The following RNF135 variants were observed in gnomAD, a reference collection of about 807,000 sequenced individuals.
RNF135 encodes ring finger protein 135, also known as E3 ubiquitin-protein ligase RNF135.
Under a neutral mutation model 41.9 loss-of-function variants are expected in RNF135, and 46 were observed. The ratio of observed to expected loss-of-function variants is 1.10; its 90% CI spans 0.87 to 1.40. The LOEUF (loss-of-function observed/expected upper bound fraction) is 1.40, where lower values mean the gene tolerates loss of function less well. Among genes scored for constraint, RNF135 ranks in the 40% most tolerant of loss-of-function variants. RNF135 has a pLI of 0.00. For synonymous variants in RNF135, 238 were observed against 223.8 expected (o/e 1.06, Z -0.57); for missense variants, 539 against 549.8 (o/e 0.98, Z 0.20).
the RNF135 span, among the ~76,000 whole-genome samples, chr17:30,964,772 C>G: frequency 1.3e-5 from 2 of 151,644 alleles, no homozygotes; most frequent in African/African-American, 4.8e-5. Flanking sequence ...GCAACCTCCA[C>G]CTCCTAGGTT....
At chr17:30,997,191 G>T (rs1908406978) in intron 3 of RNF135, 51 bp from the exon 4 acceptor site, 1 of 1,421,800 alleles carries the variant, frequency 7.0e-7, no homozygotes, top group Non-Finnish European at 9.9e-7. Flanking sequence ...GAGACCTTCA[G>T]TTTGCCTTTT....
At chr17:30,971,033 C>G, upstream of RNF135, 1 of 1,532,900 alleles carries the variant, frequency 6.5e-7, no homozygotes, top group Non-Finnish European at 8.7e-7. Flanking sequence ...GAGACTCGCC[C>G]GGCTCAACCC....
At chr17:30,994,244 T>C (rs564469485) in intron 3 of RNF135, among the ~76,000 whole-genome samples, 90 of 152,308 alleles carry the variant, frequency 5.9e-4, no homozygotes, top group African/African-American at 2.1e-3. Flanking sequence ...TCTTAACTAT[T>C]TTTAAGTAGG....
chr17:30,969,501 G>A (rs1567733500), upstream of RNF135, among the ~76,000 whole-genome samples: 1 of 152,162 alleles, frequency 6.6e-6, no homozygotes, highest in Non-Finnish European at 1.5e-5. Flanking sequence ...CAGGTCACCG[G>A]ATGATGGTTT....
chr17:30,984,519 T>C, intron 1 of RNF135, 98 bp from the exon 2 acceptor site: 1 of 1,262,580 alleles, frequency 7.9e-7, no homozygotes, highest in Non-Finnish European at 1.2e-6. Context: ...ATGTCTGTTT[T>C]TATGCCATTA....
rs1378653684 is a variant in RNF135 at position 30,997,129 on chromosome 17, T to C, written c.680-113T>C. ...CTGATCCAGTCCTGACACTGAAAAA[T>C]GTGTAGATGATAAGAAGACAAGCCA... On this transcript the variant is annotated intron_variant, in intron 3 of 4. Coordinates refer to ENST00000328381, the MANE Select transcript of RNF135 (RefSeq NM_032322.4). The C allele has an allele frequency of 9.9e-6, 8 of 809,774 alleles. No homozygotes were observed. The East Asian group carries it at 2.2e-4, about 22-fold the overall frequency. The allele number at this position is 809,774 out of a possible 1,614,324, so 50.2% of individuals were successfully genotyped here.
intron 1 of RNF135, chr17:30,971,790 C>T (rs1386765127): frequency 1.0e-6 from 1 of 977,906 alleles, no homozygotes; most frequent in African/African-American, 1.8e-5. Context: ...TAACCTTTTT[C>T]TTTATTTCTT....
At chr17:30,981,732 G>A (rs937187872) in intron 1 of RNF135, among the ~76,000 whole-genome samples, 2 of 152,202 alleles carry the variant, frequency 1.3e-5, no homozygotes, top group African/African-American at 4.8e-5. Context: ...GGACTTGGGC[G>A]TTGTGATCTA....
At chr17:30,991,128 T>G (rs1258117802) in intron 3 of RNF135, among the ~76,000 whole-genome samples, 1 of 152,198 alleles carries the variant, frequency 6.6e-6, no homozygotes, top group Non-Finnish European at 1.5e-5. Flanking sequence ...AAGAAGTGTG[T>G]GTCCCCAACC....
intron 3 of RNF135, among the ~76,000 whole-genome samples, chr17:30,988,416 A>ATTTTTTTTTTTTTTTTT (rs56955275): frequency 1.2e-5 from 1 of 81,874 alleles, no homozygotes; most frequent in African/African-American, 5.1e-5. Flanking sequence ...GCCACTTTTA[A>ATTTTTTTTTTTTTTTTT]TTTTTTTTTT....
intron 3 of RNF135, among the ~76,000 whole-genome samples, chr17:30,996,763 C>T (rs1255914167): frequency 6.6e-6 from 1 of 152,148 alleles, no homozygotes; most frequent in Non-Finnish European, 1.5e-5. Flanking sequence ...TTTAGCACAT[C>T]GAGAGGGAAT....
intron 1 of RNF135, among the ~76,000 whole-genome samples, chr17:30,977,649 C>T (rs762354186): frequency 1.4e-4 from 22 of 152,124 alleles, no homozygotes; most frequent in Non-Finnish European, 2.6e-4. Flanking sequence ...GCTGGGATTA[C>T]AGGCCACCTC....
chr17:30,994,643 T>C (rs950194271), intron 3 of RNF135, among the ~76,000 whole-genome samples: 1 of 151,974 alleles, frequency 6.6e-6, no homozygotes, highest in Non-Finnish European at 1.5e-5. Context: ...TATTTTATTT[T>C]TTTTTTTGAG....
At chr17:30,984,891 AC>A in intron 2 of RNF135, 131 bp downstream of exon 2, 2 of 1,078,448 alleles carry the variant, frequency 1.9e-6, no homozygotes, top group African/African-American at 1.5e-5. Flanking sequence ...TCTCTTTACT[AC>A]CAGACATGGA....
chr17:30,980,271 C>G (rs112854013), intron 1 of RNF135: 1 of 129,234 alleles, frequency 7.7e-6, no homozygotes, highest in South Asian at 2.5e-4. Context: ...CCTCACTTCC[C>G]AGTAGGGGCG....
At chr17:30,991,868 C>T (rs932702967) in intron 3 of RNF135, among the ~76,000 whole-genome samples, 2 of 151,276 alleles carry the variant, frequency 1.3e-5, no homozygotes, top group Non-Finnish European at 2.9e-5. Flanking sequence ...CTTAATATGT[C>T]ATTTGTCTTT....
chr17:30,997,467 G>C (rs532891503), intron 4 of RNF135, 136 bp downstream of exon 4: 1 of 781,990 alleles, frequency 1.3e-6, no homozygotes, highest in Non-Finnish European at 2.2e-6. Flanking sequence ...GTCCCTCCAC[G>C]GGGGGAGCTG....
chr17:30,973,796 T>C (rs753149223), intron 1 of RNF135, among the ~76,000 whole-genome samples: 39 of 152,096 alleles, frequency 2.6e-4, no homozygotes, highest in Non-Finnish European at 5.3e-4. Flanking sequence ...TTAGCTTACG[T>C]TTAGGTAATT....
At chr17:30,989,359 C>T (rs574872944) in intron 3 of RNF135, among the ~76,000 whole-genome samples, 264 of 152,144 alleles carry the variant, frequency 1.7e-3, no homozygotes, top group Non-Finnish European at 2.2e-3. Context: ...ATCTTGTCTA[C>T]AAACAAAACC....
Sources: allele counts gnomAD v4.1 joint callset (sites outside exome capture counted in the v4.1 genomes callset), GRCh38; gene constraint gnomAD v4.1.1; transcripts MANE v1.5; gene names NCBI Gene and HGNC (gene_info 2026-07-23, HGNC 2026-07-21).